Variants in DAP observed in about 807,000 individuals in gnomAD.
DAP encodes the protein death-associated protein 1.
A neutral mutation model predicts 13.8 loss-of-function variants in DAP; 8 were observed. That is an observed-to-expected ratio of 0.58 (90% CI 0.34 to 1.05). The LOEUF is 1.05. Ranked by LOEUF, DAP falls within the 50% of genes least tolerant of loss-of-function variation. The probability of loss-of-function intolerance (pLI) is 0.03; values close to 1 mark genes in which losing one functional copy is unlikely to be tolerated. For missense variants in DAP, 106 were observed against 133.2 expected, an observed-to-expected ratio of 0.80 and a Z score of 1.01; for synonymous variants, 47 against 47.5, an observed-to-expected ratio of 0.99 and a Z score of 0.04.
At chr5:10,709,011 C>G (rs188283112) in intron 2 of DAP, among the ~76,000 whole-genome samples, 1 of 152,210 alleles carries the variant, frequency 6.6e-6, no homozygotes, top group African/African-American at 2.4e-5. Context: ...ATAATTGATA[C>G]GTTCATTACA....
chr5:10,759,238 C>G (rs1024310263), intron 1 of DAP, among the ~76,000 whole-genome samples: 1 of 152,202 alleles, frequency 6.6e-6, no homozygotes, highest in Non-Finnish European at 1.5e-5. Flanking sequence ...AATTTAATTA[C>G]TGTACTTTGG....
intron 2 of DAP, among the ~76,000 whole-genome samples, chr5:10,733,155 CGTGTGTGTGTGTGT>C (rs55645932): frequency 0.026 from 3,360 of 128,456 alleles, 54 homozygotes; most frequent in African/African-American, 0.046. Context: ...AATATTCCTG[CGTGTGTGTGTGTGT>C]GTGTGTGTGT....
chr5:10,746,055 T>C (rs1317006052), intron 2 of DAP, among the ~76,000 whole-genome samples: 1 of 152,232 alleles, frequency 6.6e-6, no homozygotes, highest in Non-Finnish European at 1.5e-5. Flanking sequence ...ACATATAGAT[T>C]ACAATATACT....
chr5:10,690,405 C>CT (rs1186070672), intron 2 of DAP, among the ~76,000 whole-genome samples: 1 of 151,722 alleles, frequency 6.6e-6, no homozygotes, highest in African/African-American at 2.4e-5. Flanking sequence ...CTATCATCAC[C>CT]TTTATCTATT....
intron 2 of DAP, among the ~76,000 whole-genome samples, chr5:10,725,092 C>G (rs971773307): frequency 3.9e-5 from 6 of 152,240 alleles, no homozygotes; most frequent in African/African-American, 1.4e-4. Context: ...AAAGTGAAAA[C>G]AAACCTTCCA....
intron 2 of DAP, among the ~76,000 whole-genome samples, chr5:10,729,695 C>T (rs192203410): frequency 1.3e-5 from 2 of 152,324 alleles, no homozygotes; most frequent in African/African-American, 2.4e-5. Context: ...CACTCTTGAT[C>T]GTGCCTAGTT....
chr5:10,743,416 T>C (rs547090371), intron 2 of DAP, among the ~76,000 whole-genome samples: 2 of 152,338 alleles, frequency 1.3e-5, no homozygotes, highest in African/African-American at 4.8e-5. Flanking sequence ...GTCAGAACCA[T>C]GCAAAAAGTC....
rs1489064636 is a variant in DAP at position 10,754,351 on chromosome 5, TG to T, written c.56-6081del. Among the ~76,000 whole-genome samples the T allele has an allele frequency of 2.6e-5, 4 of 152,190 alleles. No individual in the cohort carries two copies. In the East Asian group the frequency reaches 7.7e-4, roughly 29 times the overall value. On this transcript the variant is annotated intron_variant, in intron 1 of 3. Coordinates refer to ENST00000230895, the MANE Select transcript of DAP (RefSeq NM_004394.3). ...CATAGATAAGGTAGAAGTAATGGTT[TG>T]TGCTAAAAAATGAGCTGGAGCCCCA...
intron 2 of DAP, among the ~76,000 whole-genome samples, chr5:10,743,021 C>T (rs1739800300): frequency 6.6e-6 from 1 of 152,176 alleles, no homozygotes; most frequent in Admixed American, 6.5e-5. Context: ...AAGTTCATTT[C>T]AGTCTTCTCC....
At chr5:10,696,863 CTA>C (rs932015764) in intron 2 of DAP, among the ~76,000 whole-genome samples, 3 of 152,140 alleles carry the variant, frequency 2.0e-5, no homozygotes, top group Non-Finnish European at 4.4e-5. Flanking sequence ...CAGGGCATTA[CTA>C]TGAGAAAAGG....
rs536626315 is a variant in DAP, at chr5:10,726,423, G to A, written c.152+21752C>T. Among the ~76,000 whole-genome samples, 3 of 152,372 alleles carry A rather than the reference G, an allele frequency of 2.0e-5. No homozygotes were observed. The South Asian group carries it at 6.2e-4, about 32-fold the overall frequency. On this transcript the variant is annotated intron_variant, in intron 2 of 3. Transcript: ENST00000230895. The stretch of plus-strand genomic sequence containing the variant: ...AGCACCACTAACTCTGGGAGCTCAT[G>A]AGAAATAGTCTCAGGCCCACCCCAG...
chr5:10,708,298 A>T (rs906991987), intron 2 of DAP, among the ~76,000 whole-genome samples: 1 of 151,530 alleles, frequency 6.6e-6, no homozygotes, highest in Non-Finnish European at 1.5e-5. Flanking sequence ...AAGTGCACAC[A>T]CACACATAGA....
At chr5:10,760,785 G>A (rs940219058) in intron 1 of DAP, among the ~76,000 whole-genome samples, 1 of 152,112 alleles carries the variant, frequency 6.6e-6, no homozygotes, top group African/African-American at 2.4e-5. Context: ...GCGGTCCTCA[G>A]GAAGAAACGC....
intron 2 of DAP, among the ~76,000 whole-genome samples, chr5:10,744,331 A>C (rs987844677): frequency 6.6e-6 from 1 of 152,258 alleles, no homozygotes; most frequent in South Asian, 2.1e-4. Flanking sequence ...TAGGAAAGTC[A>C]CATGCTATAA....
chr5:10,735,412 AG>A (rs1352220915), intron 2 of DAP, among the ~76,000 whole-genome samples: 3 of 152,224 alleles, frequency 2.0e-5, no homozygotes, highest in African/African-American at 7.2e-5. Flanking sequence ...TCCCATCTCA[AG>A]GGTATCTGGA....
At chr5:10,748,330 G>C in intron 1 of DAP, 59 bp from the exon 2 acceptor site, 1 of 1,449,958 alleles carries the variant, frequency 6.9e-7, no homozygotes, top group Admixed American at 1.7e-5. Flanking sequence ...TGTGGATCAG[G>C]GGGACCAGCT....
intron 2 of DAP, among the ~76,000 whole-genome samples, chr5:10,697,291 C>T (rs1470018065): frequency 1.3e-5 from 2 of 152,190 alleles, no homozygotes; most frequent in Non-Finnish European, 2.9e-5. Flanking sequence ...AAGACAGATG[C>T]GCGGCTGTCC....
intron 2 of DAP, among the ~76,000 whole-genome samples, chr5:10,744,201 A>C (rs1005891486): frequency 3.3e-5 from 5 of 152,204 alleles, no homozygotes; most frequent in African/African-American, 1.2e-4. Flanking sequence ...AAGTTTTGCA[A>C]ATGTACATCT....
chr5:10,684,816 A>G (rs1370511926), intron 2 of DAP, among the ~76,000 whole-genome samples: 1 of 152,136 alleles, frequency 6.6e-6, no homozygotes, highest in East Asian at 1.9e-4. Context: ...CAAGAGGTAC[A>G]GACACCCAAG....
Sources: allele counts gnomAD v4.1 joint callset (sites outside exome capture counted in the v4.1 genomes callset), GRCh38; gene constraint gnomAD v4.1.1; transcripts MANE v1.5; gene names NCBI Gene and HGNC (gene_info 2026-07-23, HGNC 2026-07-21).